The following SLC37A3 variants were observed in gnomAD, a reference collection of about 807,000 sequenced individuals.
SLC37A3 encodes the protein sugar phosphate exchanger 3.
A neutral mutation model predicts 67.1 loss-of-function variants in SLC37A3; 51 were observed. The ratio of observed to expected loss-of-function variants is 0.76; its 90% confidence interval spans 0.61 to 0.96. SLC37A3 has a LOEUF of 0.96. SLC37A3 is among the 40% of genes least tolerant of loss of function. SLC37A3 has a pLI of 0.00. For synonymous variants in SLC37A3, 214 were observed against 231.4 expected (o/e 0.92, Z 0.68); for missense variants, 508 against 603.0 (o/e 0.84, Z 1.65).
At chr7:140,375,004 G>C (rs1286765067) in intron 3 of SLC37A3, among the ~76,000 whole-genome samples, 2 of 151,914 alleles carry the variant, frequency 1.3e-5, no homozygotes, top group African/African-American at 4.8e-5. Flanking sequence ...AAATTAGCCA[G>C]GTGTGGTGGC....
chr7:140,342,804 G>A (rs1304622610), intron 13 of SLC37A3, among the ~76,000 whole-genome samples: 1 of 152,144 alleles, frequency 6.6e-6, no homozygotes, highest in Admixed American at 6.5e-5. Flanking sequence ...CTGTAGGTTC[G>A]AACTCAGCAA....
At chr7:140,362,911 G>C (rs1329442054) in intron 5 of SLC37A3, among the ~76,000 whole-genome samples, 1 of 67,998 alleles carries the variant, frequency 1.5e-5, no homozygotes, top group African/African-American at 5.5e-5. Flanking sequence ...CGGGGGGGGG[G>C]GTCGGCCAGC....
At chr7:140,336,869 CG>C (rs919762298) in intron 14 of SLC37A3, among the ~76,000 whole-genome samples, 2 of 149,686 alleles carry the variant, frequency 1.3e-5, no homozygotes, top group Non-Finnish European at 3.0e-5. Flanking sequence ...GAGGCCGAGT[CG>C]GGTGGATCAC....
chr7:140,353,764 G>A (rs991547467), intron 7 of SLC37A3, among the ~76,000 whole-genome samples: 17 of 151,724 alleles, frequency 1.1e-4, no homozygotes, highest in Admixed American at 3.3e-4. Flanking sequence ...TCAGGCTGGA[G>A]TGCAATGGCA....
intron 12 of SLC37A3, 63 bp downstream of exon 12, chr7:140,345,151 GTT>G (rs1294167074): frequency 6.9e-7 from 1 of 1,446,486 alleles, no homozygotes; most frequent in Non-Finnish European, 9.6e-7. Context: ...GGAGAAAACA[GTT>G]TCCCTTTTCC....
chr7:140,337,247 A>G, intron 14 of SLC37A3, 37 bp downstream of exon 14: 1 of 1,500,144 alleles, frequency 6.7e-7, no homozygotes, highest in Non-Finnish European at 8.9e-7. Flanking sequence ...ATTAACAGAA[A>G]AATGACTTTT....
chr7:140,356,206 A>AC (rs1172344511), intron 6 of SLC37A3, among the ~76,000 whole-genome samples: 54 of 149,370 alleles, frequency 3.6e-4, no homozygotes, highest in African/African-American at 1.3e-3. Flanking sequence ...AAAAAAAAAA[A>AC]ACAAAACAAA....
Position 140,355,760 on chromosome 7 carries a change from C to T in SLC37A3, c.526G>A (p.Gly176Arg). The T allele has an allele frequency of 6.2e-7, 1 of 1,613,800 alleles. No homozygotes were observed. Among genetic ancestry groups the T allele is most frequent in the Non-Finnish European group, 8.5e-7 (1 of 1,179,804 alleles). ...MGNWFGKAGR[G>R]VVFGLWSACA... ...GCACTCCAGAGACCAAAAACAACTCCTCGTCTAAGATGGAAAACAGTGGGA... is the reference window on the plus strand; with the variant it reads ...GCACTCCAGAGACCAAAAACAACTCTTCGTCTAAGATGGAAAACAGTGGGA... Residue 176 changes from glycine (G) to arginine (R), a missense_variant, in exon 7 of 15, where the codon GGA (glycine) becomes AGA (arginine). By Grantham distance (125) the Gly-to-Arg change is moderately radical. Transcript: ENST00000326232.
intron 2 of SLC37A3, among the ~76,000 whole-genome samples, chr7:140,381,524 CAAAT>C (rs973813393): frequency 6.6e-6 from 1 of 151,422 alleles, no homozygotes; most frequent in Non-Finnish European, 1.5e-5. Flanking sequence ...GATCCCATCT[CAAAT>C]AAATAAATAA....
rs1337760173 is a variant in SLC37A3, at chr7:140,358,692, T to C, written c.469A>G (p.Thr157Ala). The C allele has an allele frequency of 6.2e-7, 1 of 1,614,070 alleles. No homozygotes were observed. The highest frequency in any genetic ancestry group is 2.2e-5 in the East Asian group (1 of 44,882). ...ACAGCAACCACACAGGGCCAACCAG[T>C]GGACTGCAGCAGGCCGTTCACAATC... ...LWIVNGLLQS[T>A]GWPCVVAVMG... The change falls in exon 6 of 15, where the codon ACT becomes GCT. Residue 157 changes from threonine to alanine, a missense_variant. Coordinates refer to ENST00000326232, the MANE Select transcript of SLC37A3 (RefSeq NM_207113.3).
intron 13 of SLC37A3, among the ~76,000 whole-genome samples, chr7:140,341,424 G>C (rs768840862): frequency 6.6e-6 from 1 of 152,048 alleles, no homozygotes; most frequent in Non-Finnish European, 1.5e-5. Context: ...CTACAGAACC[G>C]CATCAACTGC....
Position 140,345,924 on chromosome 7 carries a change from C to T in SLC37A3, c.1071G>A (p.Ala357=), listed in dbSNP as rs141549706. The change falls in exon 11 of 15, where the codon GCG becomes GCA. Residue 357 remains alanine (A), a synonymous_variant. Transcript: ENST00000326232. ...GAAGCAGACTCAGGGCAAGAACCGG[C>T]GCTCTCTTCTGTAGTACATCAGAGA... ...GFISDVLQKR[A]PVLALSLLLA... 1,834 of 1,614,006 alleles carry T rather than the reference C, an allele frequency of 1.1e-3. 14 individuals are homozygous for T. In the East Asian group the frequency reaches 0.016, roughly 14 times the overall value.
intron 10 of SLC37A3, among the ~76,000 whole-genome samples, chr7:140,348,153 A>G (rs929021230): frequency 6.6e-6 from 1 of 152,262 alleles, no homozygotes; most frequent in Admixed American, 6.5e-5. Flanking sequence ...GTGAAACCAC[A>G]GATAAGTGGG....
At chr7:140,394,104 G>C (rs1349525479) in intron 1 of SLC37A3, among the ~76,000 whole-genome samples, 2 of 152,126 alleles carry the variant, frequency 1.3e-5, no homozygotes, top group Non-Finnish European at 2.9e-5. Context: ...CCGGTAGGTG[G>C]AGACTGAAGT....
At chr7:140,358,026 A>G (rs188500679) in intron 6 of SLC37A3, among the ~76,000 whole-genome samples, 98 of 152,226 alleles carry the variant, frequency 6.4e-4, no homozygotes, top group African/African-American at 2.2e-3. Context: ...CAGTGAGCCG[A>G]GATCACCCCA....
rs1372426809 is a variant in SLC37A3 at position 140,397,150 on chromosome 7, A to AGAT, written c.-71+1263_-71+1265dup. On this transcript the variant is annotated intron_variant, in intron 1 of 14. Coordinates refer to ENST00000326232, the MANE Select transcript of SLC37A3 (RefSeq NM_207113.3). ...GGGAGGCGGAGGTTGCAGTGAGCCG[A>AGAT]GATGGTGCCACGGCACTCCAGCCTG... 5.1e-5 allele frequency among the ~76,000 whole-genome samples: 7 copies of AGAT among 135,958 alleles called. No homozygotes were observed. The East Asian group carries it at 1.7e-3, about 33-fold the overall frequency. The allele number at this position is 135,958 out of a possible 152,430, so 89.2% of individuals were successfully genotyped here.
At chr7:140,348,429 A>T in intron 10 of SLC37A3, 197 bp downstream of exon 10, 1 of 563,758 alleles carries the variant, frequency 1.8e-6, no homozygotes, top group Non-Finnish European at 2.8e-6. Context: ...CTTCCTTTCT[A>T]TGGACCTCTT....
At chr7:140,359,658 A>G (rs775391340) in intron 5 of SLC37A3, among the ~76,000 whole-genome samples, 1 of 152,222 alleles carries the variant, frequency 6.6e-6, no homozygotes, top group Non-Finnish European at 1.5e-5. Context: ...TCAAGTGGAC[A>G]TTTTATCTAC....
intron 1 of SLC37A3, among the ~76,000 whole-genome samples, chr7:140,387,716 ATATATAT>A (rs1335352647): frequency 1.4e-5 from 1 of 73,280 alleles, no homozygotes. Context: ...TAAATATACT[ATATATAT>A]TATATAAATA....
Sources: gnomAD v4.1 joint callset for allele counts (sites outside exome capture counted in the v4.1 genomes callset) on GRCh38, gnomAD v4.1.1 for gene constraint, MANE v1.5 for transcripts, NCBI Gene and HGNC (gene_info 2026-07-23, HGNC 2026-07-21) for gene names.